KMT2C: variants seen among roughly 807,000 people sequenced by gnomAD.
The protein encoded by KMT2C is histone-lysine N-methyltransferase 2C.
In KMT2C, 88 loss-of-function variants were observed where a neutral mutation model predicts 507.9. The ratio of observed to expected loss-of-function variants is 0.17; its 90% CI spans 0.15 to 0.21. KMT2C has a LOEUF of 0.21. Among genes scored for constraint, KMT2C ranks in the 10% least tolerant of loss-of-function variants. The probability of loss-of-function intolerance (pLI) is 1.00; values close to 1 mark genes in which losing one functional copy is unlikely to be tolerated. For synonymous variants in KMT2C, 2,049 were observed against 2,080.8 expected, an observed-to-expected ratio of 0.98 and a Z score of 0.42; for missense variants, 4,954 against 5,957.8, an observed-to-expected ratio of 0.83 and a Z score of 5.55.
intron 3 of KMT2C, among the ~76,000 whole-genome samples, chr7:152,324,161 G>A (rs2096801765): frequency 6.6e-6 from 1 of 151,544 alleles, no homozygotes; most frequent in Non-Finnish European, 1.5e-5. Context: ...TTGGTGCAAA[G>A]GATACGAAGG....
At chr7:152,285,876 T>C (rs545154962) in intron 6 of KMT2C, among the ~76,000 whole-genome samples, 20 of 152,166 alleles carry the variant, frequency 1.3e-4, no homozygotes, top group African/African-American at 4.1e-4. Context: ...TCCCAGCTAC[T>C]TGAGAGGCTG....
intron 27 of KMT2C, among the ~76,000 whole-genome samples, chr7:152,196,414 G>GACT (rs1563349771): frequency 7.0e-6 from 1 of 143,690 alleles, no homozygotes; most frequent in African/African-American, 3.0e-5. Flanking sequence ...TCACTCTTTA[G>GACT]AAATTCCATA....
chr7:152,179,067 T>G (rs373649142), intron 37 of KMT2C, among the ~76,000 whole-genome samples: 1 of 152,228 alleles, frequency 6.6e-6, no homozygotes, highest in African/African-American at 2.4e-5. Context: ...CTCGGCTCAC[T>G]GCAACCTCCA....
chr7:152,268,731 AAAT>A lies in KMT2C; in HGVS notation c.1013-3525_1013-3523del, dbSNP rs1329879650. 8.5e-5 allele frequency among the ~76,000 whole-genome samples: 13 copies of A among 152,276 alleles called. No individual in the cohort carries two copies. In the East Asian group the frequency reaches 2.5e-3, roughly 29 times the overall value. On this transcript the variant is annotated intron_variant, in intron 7 of 58. Coordinates refer to ENST00000262189, the MANE Select transcript of KMT2C (RefSeq NM_170606.3). Reference sequence around the variant, plus strand: ...CCGTAAAACTTTTAAAAATTGGGGGAAATAATAAACTAATTATCAGATAAACAA... The same window carrying A: ...CCGTAAAACTTTTAAAAATTGGGGGAAATAAACTAATTATCAGATAAACAA...
chr7:152,215,690 CACACACACAT>C (rs1447860130), intron 23 of KMT2C, among the ~76,000 whole-genome samples: 1 of 131,670 alleles, frequency 7.6e-6, no homozygotes, highest in Non-Finnish European at 1.5e-5. Context: ...TATATATATA[CACACACACAT>C]ACACACACAA....
At chr7:152,314,010 A>C (rs900239375) in intron 4 of KMT2C, among the ~76,000 whole-genome samples, 10 of 152,148 alleles carry the variant, frequency 6.6e-5, no homozygotes, top group Non-Finnish European at 1.3e-4. Flanking sequence ...AGACATTTTA[A>C]GTTTGCTGGC....
intron 6 of KMT2C, among the ~76,000 whole-genome samples, chr7:152,300,798 G>A (rs1310345713): frequency 6.6e-6 from 1 of 152,094 alleles, no homozygotes; most frequent in Non-Finnish European, 1.5e-5. Flanking sequence ...AGTGGCTCAC[G>A]CTTGTAATGC....
rs1250783144 is a variant in KMT2C at position 152,187,256 on chromosome 7, G to T, written c.5008+6C>A. On this transcript the variant is annotated splice_donor_region_variant and intron_variant, in intron 33 of 58. Transcript: ENST00000262189. ...GTAAAACAGAAATAATATATTCATG[G>T]CTTACCAGGGAATTCTTCCTTTAAG... 6.2e-7 allele frequency: 1 copy of T among 1,605,712 alleles called. No homozygotes were observed.
chr7:152,347,727 T>G (rs866254440), intron 2 of KMT2C, among the ~76,000 whole-genome samples: 1 of 152,240 alleles, frequency 6.6e-6, no homozygotes, highest in Admixed American at 6.5e-5. Flanking sequence ...AATAGATTTG[T>G]GTATATTTTA....
chr7:152,285,602 AC>A (rs1358023865), intron 6 of KMT2C, among the ~76,000 whole-genome samples: 2 of 152,250 alleles, frequency 1.3e-5, no homozygotes, highest in Non-Finnish European at 2.9e-5. Context: ...AATTGAAGTT[AC>A]CTGTAAATAA....
In KMT2C at chr7:152,246,402, T is replaced by C. The variant is rs567859111; in HGVS notation, c.2532+1500A>G. On this transcript the variant is annotated intron_variant, in intron 14 of 58. Transcript: ENST00000262189. ...GACAGCTCAGCAAAATACTAGGACA[T>C]GGCTCATATAAGATGGAATAAGCCT... Among the ~76,000 whole-genome samples, 670 of 152,132 alleles carry C rather than the reference T, an allele frequency of 4.4e-3. 8 individuals are homozygous for C. The highest frequency in any genetic ancestry group is 6.8e-3 in the Middle Eastern group (2 of 294).
intron 1 of KMT2C, chr7:152,367,616 A>G (rs78380701): frequency 3.6e-6 from 5 of 1,373,222 alleles, no homozygotes; most frequent in South Asian, 1.2e-5. Context: ...AGAATTAAAA[A>G]GACTATACAG....
chr7:152,187,803 T>G lies in KMT2C; in HGVS notation c.4705A>C (p.Ser1569Arg). 1.9e-6 allele frequency: 3 copies of G among 1,614,034 alleles called. No individual in the cohort carries two copies. In the South Asian group the frequency reaches 3.3e-5, roughly 18 times the overall value. Residue 1569 changes from serine (S) to arginine (R), a missense_variant, in exon 32 of 59, where the codon AGT becomes CGT. By Grantham distance (110) the Ser-to-Arg change is moderately radical. Around this residue, in one of 29 missense-constraint regions of KMT2C, gnomAD observed 195 missense variants for 183.7 expected, o/e 1.06. Coordinates refer to ENST00000262189, the MANE Select transcript of KMT2C (RefSeq NM_170606.3). ...MPLMNGLIGSSPHLPHNSLPP... is the reference protein window; with the variant it reads ...MPLMNGLIGSRPHLPHNSLPP... ...AAAGAATTATGTGGGAGATGAGGAC[T>G]GGATCCAATAAGGCCATTCATGAGA...
chr7:152,135,103 G>T lies in KMT2C; in HGVS notation c.*1729C>A, dbSNP rs993535919. ...AGGACAAATACTGGTAGGATGTCAG[G>T]ATATTGTACAAGAGAAGAAAAATAT... On this transcript the variant is annotated 3_prime_UTR_variant, in exon 59 of 59. Coordinates refer to ENST00000262189, the MANE Select transcript of KMT2C (RefSeq NM_170606.3). The T allele has an allele frequency of 4.8e-5, 11 of 227,076 alleles. No homozygotes were observed. The highest frequency in any genetic ancestry group is 9.6e-5 in the Non-Finnish European group (11 of 114,180). 14.1% of individuals were successfully genotyped at this position (227,076 alleles called of 1,614,324 possible). A position where few individuals can be genotyped will look rare whatever the true frequency, so the allele number is the denominator to read the frequency against.
chr7:152,195,879 A>G (rs1482979090), intron 28 of KMT2C, 28 bp downstream of exon 28: 2 of 1,306,150 alleles, frequency 1.5e-6, no homozygotes, highest in Non-Finnish European at 1.1e-6. Context: ...CAGAAACCAG[A>G]AAAAGGGTAA....
chr7:152,401,401 G>C (rs1364818083), intron 1 of KMT2C, among the ~76,000 whole-genome samples: 1 of 148,274 alleles, frequency 6.7e-6, no homozygotes, highest in Non-Finnish European at 1.5e-5. Flanking sequence ...AAGTATTAAA[G>C]TCATACCGGC....
At chr7:152,332,620 C>T (rs769239716) in intron 2 of KMT2C, among the ~76,000 whole-genome samples, 12 of 152,012 alleles carry the variant, frequency 7.9e-5, no homozygotes, top group Non-Finnish European at 1.5e-4. Context: ...CCAAGGTGGG[C>T]GGATAACCTG....
chr7:152,349,867 G>T (rs2097096074), intron 2 of KMT2C, among the ~76,000 whole-genome samples: 1 of 152,114 alleles, frequency 6.6e-6, no homozygotes, highest in South Asian at 2.1e-4. Context: ...TACTGAAAAA[G>T]GCTATGCACG....
intron 2 of KMT2C, among the ~76,000 whole-genome samples, chr7:152,353,902 A>G (rs538786660): frequency 1.8e-4 from 27 of 152,364 alleles, no homozygotes; most frequent in African/African-American, 6.3e-4. Context: ...TGAGACATAC[A>G]TATGTTAAAA....
Sources: gnomAD v4.1 joint callset for allele counts (sites outside exome capture counted in the v4.1 genomes callset) on GRCh38, gnomAD v4.1.1 for gene constraint, gnomAD v4.1.1 regional missense constraint, MANE v1.5 for transcripts, NCBI Gene and HGNC (gene_info 2026-07-23, HGNC 2026-07-21) for gene names.